KCND3: variants seen among roughly 807,000 people sequenced by gnomAD.
KCND3 encodes the protein A-type voltage-gated potassium channel KCND3.
In KCND3, 9 loss-of-function variants were observed where a neutral mutation model predicts 51.1. The observed-to-expected ratio is 0.18, with a 90% CI of 0.11 to 0.31. The LOEUF (loss-of-function observed/expected upper bound fraction) is 0.31. Ranked by LOEUF, KCND3 falls within the 10% of genes least tolerant of loss-of-function variation. The pLI is 1.00. For synonymous variants in KCND3, 349 were observed against 368.0 expected (o/e 0.95, Z 0.59); for missense variants, 526 against 903.8 (o/e 0.58, Z 5.36).
Position 111,833,136 on chromosome 1 carries a change from C to G in KCND3, c.1107-46030G>C, listed in dbSNP as rs887875012. On this transcript the variant is annotated intron_variant, in intron 2 of 7. Coordinates refer to ENST00000302127, the MANE Select transcript of KCND3 (RefSeq NM_001378969.1). The stretch of plus-strand genomic sequence containing the variant: ...CTTTTCTTTTTGCCAGTTTTGACAT[C>G]TCTGTGCTTTGCACATTAACAGGCT... 5.3e-5 allele frequency among the ~76,000 whole-genome samples: 8 copies of G among 152,368 alleles called. No individual in the cohort carries two copies. The East Asian group carries it at 1.5e-3, about 29-fold the overall frequency.
chr1:111,829,049 AT>A (rs1384947996), intron 2 of KCND3, among the ~76,000 whole-genome samples: 1 of 152,148 alleles, frequency 6.6e-6, no homozygotes, highest in Non-Finnish European at 1.5e-5. Flanking sequence ...AATTCAATCT[AT>A]TTTCTTCTGT....
At chr1:111,960,197 C>T (rs986718185) in intron 2 of KCND3, among the ~76,000 whole-genome samples, 3 of 152,136 alleles carry the variant, frequency 2.0e-5, no homozygotes, top group Admixed American at 6.5e-5. Flanking sequence ...ACAGCCCTTT[C>T]CCACCTTGGA....
intron 2 of KCND3, among the ~76,000 whole-genome samples, chr1:111,896,066 C>T (rs1366565733): frequency 6.6e-6 from 1 of 152,234 alleles, no homozygotes; most frequent in Non-Finnish European, 1.5e-5. Context: ...ACATGCTCCA[C>T]GCGCGTTCAT....
rs768952584 is a variant in KCND3, at chr1:111,777,231, T to C, written c.1561A>G (p.Met521Val). The C allele has an allele frequency of 1.2e-6, 2 of 1,614,198 alleles. No individual in the cohort carries two copies. ...IDEQMFEQNC[M>V]ESSMQNYPST... ...GGGTAGTTCTGCATTGAACTCTCCA[T>C]GCAGTTCTGCTCAAACATCTGCTCA... Residue 521 changes from methionine to valine, a missense_variant, in exon 7 of 8, where the codon ATG (methionine) becomes GTG (valine). Met to Val is a conservative substitution (Grantham distance 21, BLOSUM62 1). Transcript: ENST00000302127.
At chr1:111,834,684 T>C (rs567242244) in intron 2 of KCND3, among the ~76,000 whole-genome samples, 2 of 152,228 alleles carry the variant, frequency 1.3e-5, no homozygotes, top group Non-Finnish European at 2.9e-5. Flanking sequence ...TGTGAAAAAG[T>C]CTGCCTCAGA....
At chr1:111,887,096 C>G (rs1406572135) in intron 2 of KCND3, among the ~76,000 whole-genome samples, 1 of 152,040 alleles carries the variant, frequency 6.6e-6, no homozygotes, top group Non-Finnish European at 1.5e-5. Flanking sequence ...TATCTAGGGG[C>G]TAAAGTGGAG....
At chr1:111,908,993 T>C (rs1163780844) in intron 2 of KCND3, among the ~76,000 whole-genome samples, 1 of 146,704 alleles carries the variant, frequency 6.8e-6, no homozygotes, top group African/African-American at 2.5e-5. Flanking sequence ...AGGAGAATAA[T>C]GTGAGCTGGC....
chr1:111,801,538 A>G (rs1665310291), intron 2 of KCND3, among the ~76,000 whole-genome samples: 1 of 152,192 alleles, frequency 6.6e-6, no homozygotes, highest in Admixed American at 6.5e-5. Context: ...GGGAGGTAGA[A>G]GTAGGCAAGA....
intron 2 of KCND3, among the ~76,000 whole-genome samples, chr1:111,826,167 G>A (rs890005592): frequency 1.3e-5 from 2 of 151,956 alleles, no homozygotes; most frequent in Non-Finnish European, 2.9e-5. Flanking sequence ...TTTGCCTTAG[G>A]GGTTTCATTA....
chr1:111,920,361 C>T (rs1050183626), intron 2 of KCND3, among the ~76,000 whole-genome samples: 4 of 152,218 alleles, frequency 2.6e-5, no homozygotes, highest in Non-Finnish European at 5.9e-5. Context: ...TCACACTCCC[C>T]ACACTGAAGA....
chr1:111,808,306 T>G (rs1208224106), intron 2 of KCND3, among the ~76,000 whole-genome samples: 2 of 152,224 alleles, frequency 1.3e-5, no homozygotes, highest in African/African-American at 2.4e-5. Flanking sequence ...TTCTCTGAAT[T>G]TTCTCAGCAT....
At chr1:111,985,876 G>C (rs1391984867) in intron 1 of KCND3, among the ~76,000 whole-genome samples, 1 of 152,178 alleles carries the variant, frequency 6.6e-6, no homozygotes, top group Non-Finnish European at 1.5e-5. Flanking sequence ...TCACTGCTCA[G>C]AGAACAGAAA....
chr1:111,853,190 A>C (rs1298313526), intron 2 of KCND3, among the ~76,000 whole-genome samples: 1 of 152,208 alleles, frequency 6.6e-6, no homozygotes, highest in Non-Finnish European at 1.5e-5. Context: ...TGGACTTGGA[A>C]ATGGAACAAC....
chr1:111,970,737 A>T (rs998308821), intron 2 of KCND3, among the ~76,000 whole-genome samples: 3 of 152,196 alleles, frequency 2.0e-5, no homozygotes, highest in Admixed American at 2.0e-4. Flanking sequence ...CAATGTTTTA[A>T]TCTTCTCATA....
At chr1:111,941,037 C>T (rs1672490287) in intron 2 of KCND3, among the ~76,000 whole-genome samples, 1 of 152,184 alleles carries the variant, frequency 6.6e-6, no homozygotes, top group African/African-American at 2.4e-5. Flanking sequence ...TCAATAAATA[C>T]TTCTCAAAGG....
rs377126825 is a variant in KCND3 at position 111,973,071 on chromosome 1, T to A, written c.1106+8550A>T. 1.5e-4 allele frequency among the ~76,000 whole-genome samples: 23 copies of A among 152,252 alleles called. No homozygotes were observed. In the East Asian group the frequency reaches 2.1e-3, roughly 14 times the overall value. ...TCCCACATCAAGAATCATAAAAACA[T>A]TATTTCCATCAGTCTTTGACATGCA... is the stretch of plus-strand genomic sequence containing the variant. On this transcript the variant is annotated intron_variant, in intron 2 of 7. Coordinates refer to ENST00000302127, the MANE Select transcript of KCND3 (RefSeq NM_001378969.1).
chr1:111,854,066 G>C (rs2101671827), intron 2 of KCND3: 1 of 152,286 alleles, frequency 6.6e-6, no homozygotes, highest in African/African-American at 2.4e-5. Flanking sequence ...AAGTACAGAA[G>C]GCCTGTCAGA....
chr1:111,869,318 A>AC (rs964904809), intron 2 of KCND3, among the ~76,000 whole-genome samples: 7 of 151,670 alleles, frequency 4.6e-5, no homozygotes, highest in African/African-American at 1.2e-4. Flanking sequence ...CACCTCTAGG[A>AC]CCCCCCAGGA....
At chr1:111,955,483 A>T (rs1412975982) in intron 2 of KCND3, among the ~76,000 whole-genome samples, 1 of 152,168 alleles carries the variant, frequency 6.6e-6, no homozygotes, top group Non-Finnish European at 1.5e-5. Flanking sequence ...CTGGGAGGGT[A>T]AATCATCCCC....
Sources: gnomAD v4.1 joint callset for allele counts (sites outside exome capture counted in the v4.1 genomes callset) on GRCh38, gnomAD v4.1.1 for gene constraint, MANE v1.5 for transcripts, NCBI Gene and HGNC (gene_info 2026-07-23, HGNC 2026-07-21) for gene names.